LUZP2: variants seen among roughly 807,000 people sequenced by gnomAD.
LUZP2 encodes the protein leucine zipper protein 2.
LUZP2 carries 52 observed loss-of-function variants against 51.6 expected under a neutral mutation model. That is an observed-to-expected ratio of 1.01 (90% CI 0.81 to 1.27). LUZP2 has a LOEUF of 1.27. Among genes scored for constraint, LUZP2 ranks in the 50% most tolerant of loss-of-function variants. LUZP2 has a pLI of 0.00. For missense variants in LUZP2, 436 were observed against 395.4 expected (o/e 1.10, Z -0.87); for synonymous variants, 154 against 137.3 (o/e 1.12, Z -0.85).
At chr11:24,802,401 T>G (rs188842089) in intron 5 of LUZP2, among the ~76,000 whole-genome samples, 2 of 152,068 alleles carry the variant, frequency 1.3e-5, no homozygotes, top group African/African-American at 4.8e-5. Flanking sequence ...TTTTGGTGAC[T>G]GTATAGACAC....
intron 5 of LUZP2, among the ~76,000 whole-genome samples, chr11:24,766,221 CTCTTTA>C (rs2134040306): frequency 6.6e-6 from 1 of 152,166 alleles, no homozygotes; most frequent in South Asian, 2.1e-4. Context: ...GTCTGCTTTT[CTCTTTA>C]TATTTTTTTT....
chr11:24,651,123 G>A (rs1378001836), intron 1 of LUZP2, among the ~76,000 whole-genome samples: 1 of 151,930 alleles, frequency 6.6e-6, no homozygotes, highest in Non-Finnish European at 1.5e-5. Flanking sequence ...ATAAGCCCAG[G>A]TGGATTTTGC....
intron 5 of LUZP2, among the ~76,000 whole-genome samples, chr11:24,879,371 A>G (rs2896716): frequency 0.41 from 63,068 of 152,110 alleles, 15,340 homozygotes; most frequent in East Asian, 0.65. Context: ...CAGTGCTGCA[A>G]TAAATATGCA....
chr11:24,594,982 G>A (rs1040946748), intron 1 of LUZP2, among the ~76,000 whole-genome samples: 7 of 151,472 alleles, frequency 4.6e-5, no homozygotes, highest in African/African-American at 9.7e-5. Flanking sequence ...GGCTGGTCTC[G>A]AACTCCTGAC....
At chr11:25,069,303 T>C (rs1446156) in intron 10 of LUZP2, among the ~76,000 whole-genome samples, 135,708 of 151,884 alleles carry the variant, frequency 0.89, 61,757 homozygotes, top group Non-Finnish European at 0.98. Flanking sequence ...GAGGATGTTA[T>C]GCAGATCTGT....
intron 9 of LUZP2, among the ~76,000 whole-genome samples, chr11:25,014,991 C>A (rs543308993): frequency 6.6e-6 from 1 of 152,062 alleles, no homozygotes; most frequent in Non-Finnish European, 1.5e-5. Flanking sequence ...TCCCCAGCAC[C>A]CTTTATTAAA....
intron 5 of LUZP2, among the ~76,000 whole-genome samples, chr11:24,818,884 G>T (rs562130887): frequency 5.9e-5 from 9 of 151,948 alleles, no homozygotes; most frequent in Admixed American, 5.3e-4. Flanking sequence ...CTGTAAGTTT[G>T]CACAGACCAA....
chr11:24,502,389 TG>T (rs1341779927), intron 1 of LUZP2, among the ~76,000 whole-genome samples: 1 of 151,516 alleles, frequency 6.6e-6, no homozygotes, highest in Non-Finnish European at 1.5e-5. Context: ...TTTGTTTGTT[TG>T]TTTGTTTGTT....
chr11:25,006,181 G>A (rs1399045556), intron 9 of LUZP2, among the ~76,000 whole-genome samples: 2 of 152,086 alleles, frequency 1.3e-5, no homozygotes, highest in African/African-American at 4.8e-5. Context: ...ACAGAGTCCT[G>A]AAGTTTATAC....
At chr11:24,517,664 A>G (rs750789265) in intron 1 of LUZP2, among the ~76,000 whole-genome samples, 9 of 151,958 alleles carry the variant, frequency 5.9e-5, no homozygotes, top group Non-Finnish European at 1.2e-4. Flanking sequence ...TTGTGGAGCC[A>G]ATAATCCATA....
chr11:24,681,067 C>T (rs1326572368), intron 1 of LUZP2, among the ~76,000 whole-genome samples: 2 of 151,846 alleles, frequency 1.3e-5, no homozygotes, highest in South Asian at 2.1e-4. Context: ...CTGCAAGCTC[C>T]GCTTCCCGGG....
intron 1 of LUZP2, among the ~76,000 whole-genome samples, chr11:24,570,711 C>G (rs1396408290): frequency 6.6e-6 from 1 of 152,030 alleles, no homozygotes; most frequent in Non-Finnish European, 1.5e-5. Flanking sequence ...GATTTGCAGT[C>G]TCTTTTCTAT....
intron 9 of LUZP2, among the ~76,000 whole-genome samples, chr11:24,990,299 C>T (rs1468088910): frequency 6.6e-6 from 1 of 151,898 alleles, no homozygotes; most frequent in Non-Finnish European, 1.5e-5. Flanking sequence ...ATGTATTTTA[C>T]AATTTATATA....
intron 1 of LUZP2, among the ~76,000 whole-genome samples, chr11:24,554,330 T>C (rs1851805446): frequency 6.6e-6 from 1 of 152,152 alleles, no homozygotes; most frequent in African/African-American, 2.4e-5. Flanking sequence ...GAATAAAATA[T>C]GTAATTTTAT....
chr11:24,743,314 T>A (rs1859253391), intron 4 of LUZP2, among the ~76,000 whole-genome samples: 1 of 151,978 alleles, frequency 6.6e-6, no homozygotes, highest in Non-Finnish European at 1.5e-5. Flanking sequence ...ATTCTACCCA[T>A]CCATGAGCAT....
chr11:24,511,787 A>T (rs1850318940), intron 1 of LUZP2, among the ~76,000 whole-genome samples: 2 of 152,122 alleles, frequency 1.3e-5, no homozygotes, highest in South Asian at 4.1e-4. Context: ...TTCTTTCTTG[A>T]ACTTTTTCCG....
At chr11:24,804,219 G>A (rs1849785847) in intron 5 of LUZP2, among the ~76,000 whole-genome samples, 2 of 152,018 alleles carry the variant, frequency 1.3e-5, no homozygotes, top group Admixed American at 6.6e-5. Flanking sequence ...AAATCACTAA[G>A]ACAAAAAGAC....
chr11:24,979,942 C>T (rs1405074289), intron 8 of LUZP2, among the ~76,000 whole-genome samples: 1 of 151,776 alleles, frequency 6.6e-6, no homozygotes, highest in Non-Finnish European at 1.5e-5. Context: ...ATAATAAATA[C>T]TTCTTAATTA....
intron 5 of LUZP2, among the ~76,000 whole-genome samples, chr11:24,824,049 C>A (rs1482939025): frequency 6.8e-6 from 1 of 147,506 alleles, no homozygotes; most frequent in Non-Finnish European, 1.5e-5. Flanking sequence ...GGCGACAGAG[C>A]GAGACACTGT....
Sources: gnomAD v4.1 joint callset for allele counts (sites outside exome capture counted in the v4.1 genomes callset) on GRCh38, gnomAD v4.1.1 for gene constraint, MANE v1.5 for transcripts, NCBI Gene and HGNC (gene_info 2026-07-23, HGNC 2026-07-21) for gene names.